IKZF2: variants seen among roughly 807,000 people sequenced by gnomAD.
IKZF2 encodes zinc finger protein Helios.
In IKZF2, 15 loss-of-function variants were observed where a neutral mutation model predicts 49.2. That is an observed-to-expected ratio of 0.30 (90% CI 0.20 to 0.47). IKZF2 has a LOEUF of 0.47. Among genes scored for constraint, IKZF2 ranks in the 20% least tolerant of loss-of-function variants. The probability of loss-of-function intolerance (pLI) is 1.00; values close to 1 mark genes in which losing one functional copy is unlikely to be tolerated. For synonymous variants in IKZF2, 227 were observed against 221.4 expected (o/e 1.03, Z -0.23); for missense variants, 567 against 664.6 (o/e 0.85, Z 1.61).
chr2:213,136,386 A>G (rs1286882356), intron 4 of IKZF2, among the ~76,000 whole-genome samples: 40 of 111,130 alleles, frequency 3.6e-4, no homozygotes, highest in South Asian at 3.3e-3. Context: ...AAAAAAAAAA[A>G]AAAAAGAAAA....
chr2:213,030,263 A>AC lies in IKZF2; in HGVS notation c.575-8134dup, dbSNP rs1698263531. On this transcript the variant is annotated intron_variant, in intron 6 of 8. Transcript: ENST00000434687. ...GAATTTTTTAGAAATATCCACACCT[A>AC]CTTTTTTTTTCTAAATCTTTAGAAG... is the stretch of plus-strand genomic sequence containing the variant. 4.6e-5 allele frequency among the ~76,000 whole-genome samples: 7 copies of AC among 151,554 alleles called. No homozygotes were observed. The South Asian group carries it at 1.5e-3, about 32-fold the overall frequency.
chr2:213,111,469 T>C (rs2059700615), intron 4 of IKZF2, among the ~76,000 whole-genome samples: 1 of 152,090 alleles, frequency 6.6e-6, no homozygotes, highest in African/African-American at 2.4e-5. Flanking sequence ...TTATTTGTCT[T>C]TCAGCTGATT....
At chr2:213,027,931 A>AT (rs1697993636) in intron 6 of IKZF2, among the ~76,000 whole-genome samples, 1 of 152,098 alleles carries the variant, frequency 6.6e-6, no homozygotes, top group Non-Finnish European at 1.5e-5. Context: ...TGTCTGTACT[A>AT]TATATAATAA....
At chr2:213,065,918 G>A (rs1291000853) in intron 4 of IKZF2, among the ~76,000 whole-genome samples, 2 of 152,094 alleles carry the variant, frequency 1.3e-5, no homozygotes, top group Non-Finnish European at 2.9e-5. Context: ...GTGGAATACA[G>A]GTGTAGCAGA....
At chr2:213,150,319 C>G in intron 1 of IKZF2, 72 bp from the exon 2 acceptor site, 2 of 536,118 alleles carry the variant, frequency 3.7e-6, no homozygotes, top group Admixed American at 2.7e-5. Context: ...TCCCTTGCCC[C>G]CTCCAAGCCA....
intron 4 of IKZF2, among the ~76,000 whole-genome samples, chr2:213,107,683 A>G (rs1050594985): frequency 3.3e-5 from 5 of 152,172 alleles, no homozygotes; most frequent in African/African-American, 1.2e-4. Context: ...GAAAATTTAG[A>G]TAATTTATCT....
Position 213,150,252 on chromosome 2 carries a change from A to AGATAAAC in IKZF2, c.-119-12_-119-6dup, listed in dbSNP as rs939186342. 8 of 1,084,232 alleles carry AGATAAAC rather than the reference A, an allele frequency of 7.4e-6. No individual in the cohort carries two copies. In the African/African-American group the frequency reaches 1.3e-4, roughly 18 times the overall value. The allele number at this position is 1,084,232 out of a possible 1,614,324, so 67.2% of individuals were successfully genotyped here. On this transcript the variant is annotated splice_polypyrimidine_tract_variant and splice_region_variant and intron_variant, in intron 1 of 8. Coordinates refer to ENST00000434687, the MANE Select transcript of IKZF2 (RefSeq NM_001387220.1). ...AGAGGAGGTGACAATGTCGGGCTGA[A>AGATAAAC]GATAAACGGAGGGAGAAAGAAAGAA... is the stretch of plus-strand genomic sequence containing the variant.
chr2:213,100,181 T>A (rs1259772041), intron 4 of IKZF2, among the ~76,000 whole-genome samples: 1 of 152,104 alleles, frequency 6.6e-6, no homozygotes, highest in African/African-American at 2.4e-5. Context: ...CACATTTGTA[T>A]AATCAAGTCA....
intron 5 of IKZF2, among the ~76,000 whole-genome samples, chr2:213,053,811 T>C (rs184177573): frequency 7.5e-4 from 114 of 152,280 alleles, no homozygotes; most frequent in African/African-American, 2.6e-3. Flanking sequence ...AAAGTAGCAA[T>C]ACCAAATCAA....
rs184873546 is a variant in IKZF2 at position 213,020,130 on chromosome 2, A to G, written c.712+1863T>C. ...ATATAATATAGAAAAACTAGTAGCA[A>G]TGCCATAAGGTGTTTTGGGGAAGAT... On this transcript the variant is annotated intron_variant, in intron 7 of 8. Coordinates refer to ENST00000434687, the MANE Select transcript of IKZF2 (RefSeq NM_001387220.1). Among the ~76,000 whole-genome samples, 29 of 152,310 alleles carry G rather than the reference A, an allele frequency of 1.9e-4. No individual in the cohort carries two copies. In the East Asian group the frequency reaches 4.8e-3, roughly 25 times the overall value.
At chr2:213,124,203 C>A (rs2060147236) in intron 4 of IKZF2, among the ~76,000 whole-genome samples, 1 of 149,896 alleles carries the variant, frequency 6.7e-6, no homozygotes, top group African/African-American at 2.4e-5. Flanking sequence ...AGATGAATGG[C>A]ATGGGTGCAT....
rs1553604930 is a variant in IKZF2, at chr2:213,146,759, C to CA, written c.139+948_139+949insT. Among the ~76,000 whole-genome samples, 397 of 87,190 alleles carry CA rather than the reference C, an allele frequency of 4.6e-3. 26 individuals are homozygous for CA. The highest frequency in any genetic ancestry group is 0.03 in the South Asian group (83 of 2,760). The allele number at this position is 87,190 out of a possible 152,430, so 57.2% of individuals were successfully genotyped here. On this transcript the variant is annotated intron_variant, in intron 4 of 8. Transcript: ENST00000434687. Reference sequence around the variant, plus strand: ...TCACTTTTCTTAGTTATTAAATCTTCGGGGGGGGGGAAGGAAAGAGAATGC... The same window carrying CA: ...TCACTTTTCTTAGTTATTAAATCTTCAGGGGGGGGGGAAGGAAAGAGAATGC...
At chr2:213,051,645 G>C (rs1700684261) in intron 5 of IKZF2, among the ~76,000 whole-genome samples, 1 of 151,738 alleles carries the variant, frequency 6.6e-6, no homozygotes. Flanking sequence ...GGAATCACAG[G>C]CTGCAACTTT....
chr2:213,087,825 A>G (rs1420249792), intron 4 of IKZF2, among the ~76,000 whole-genome samples: 1 of 152,230 alleles, frequency 6.6e-6, no homozygotes, highest in Non-Finnish European at 1.5e-5. Context: ...TACAAAGGAC[A>G]TGAACTCATC....
chr2:213,117,654 C>A (rs2059920220), intron 4 of IKZF2, among the ~76,000 whole-genome samples: 1 of 152,230 alleles, frequency 6.6e-6, no homozygotes. Flanking sequence ...GTCACTGCAA[C>A]TGCATTTATT....
intron 4 of IKZF2, among the ~76,000 whole-genome samples, chr2:213,135,730 G>GA (rs1313953245): frequency 1.3e-5 from 2 of 151,244 alleles, no homozygotes; most frequent in East Asian, 3.9e-4. Context: ...AGGAAGAAAA[G>GA]AAAGAGAGAA....
At position 213,022,079 on chromosome 2, in the gene IKZF2, C is replaced by A. The variant is rs199733088; in HGVS notation, c.626G>T (p.Ser209Ile). 1.2e-6 allele frequency: 2 copies of A among 1,613,698 alleles called. No individual in the cohort carries two copies. Among genetic ancestry groups the A allele is most frequent in the Non-Finnish European group, 1.7e-6 (2 of 1,179,808 alleles). The change falls in exon 7 of 9, where the codon AGT becomes ATT. Residue 209 changes from serine to isoleucine, a missense_variant. By Grantham distance (142) the Ser-to-Ile change is moderately radical. This residue lies in a region of IKZF2 where 310 missense variants were observed against 326.9 expected (regional missense o/e 0.95). Transcript: ENST00000434687. The stretch of plus-strand genomic sequence containing the variant: ...GCGTTCCTTGTGCTCCTCCAGTGAA[C>A]TGCGCTGCTTGTAGCTTCGTCCACA... ...NYCGRSYKQR[S>I]SLEEHKERCH...
chr2:213,041,259 T>C (rs983601840), intron 6 of IKZF2, among the ~76,000 whole-genome samples: 1 of 151,884 alleles, frequency 6.6e-6, no homozygotes. Context: ...TATAACTTTA[T>C]GTAATGTATC....
intron 4 of IKZF2, among the ~76,000 whole-genome samples, chr2:213,063,573 T>A (rs1477591900): frequency 6.6e-6 from 1 of 151,936 alleles, no homozygotes; most frequent in Non-Finnish European, 1.5e-5. Flanking sequence ...GTAATGATAA[T>A]AATAATAGAA....
Sources: allele counts gnomAD v4.1 joint callset (sites outside exome capture counted in the v4.1 genomes callset), GRCh38; gene constraint gnomAD v4.1.1; regional missense constraint gnomAD v4.1.1; transcripts MANE v1.5; gene names NCBI Gene and HGNC (gene_info 2026-07-23, HGNC 2026-07-21).